Variants in GRIN2A observed in about 807,000 individuals in gnomAD.
The protein encoded by GRIN2A is glutamate receptor ionotropic, NMDA 2A.
A neutral mutation model predicts 113.4 loss-of-function variants in GRIN2A; 22 were observed. That is an observed-to-expected ratio of 0.19 (90% CI 0.14 to 0.28). The LOEUF (loss-of-function observed/expected upper bound fraction) is 0.28. Among genes scored for constraint, GRIN2A ranks in the 10% least tolerant of loss-of-function variants. The probability of loss-of-function intolerance (pLI) is 1.00; values close to 1 mark genes in which losing one functional copy is unlikely to be tolerated. For synonymous variants in GRIN2A, 827 were observed against 738.4 expected (o/e 1.12, Z -1.94); for missense variants, 1,502 against 1,887.0 (o/e 0.80, Z 3.78).
chr16:9,788,658 A>C (rs7193977), intron 11 of GRIN2A, among the ~76,000 whole-genome samples: 56,191 of 146,868 alleles, frequency 0.38, 11,468 homozygotes, highest in African/African-American at 0.56. Flanking sequence ...CCTTCCCCAC[A>C]CTATTTGTCT....
chr16:10,117,075 A>T (rs1023233898), intron 2 of GRIN2A, among the ~76,000 whole-genome samples: 1 of 151,646 alleles, frequency 6.6e-6, no homozygotes, highest in Non-Finnish European at 1.5e-5. Context: ...AAAAAAAAAA[A>T]AGTAGCTAAG....
chr16:10,110,275 C>T (rs908601392), intron 2 of GRIN2A, among the ~76,000 whole-genome samples: 2 of 152,192 alleles, frequency 1.3e-5, no homozygotes, highest in Admixed American at 1.3e-4. Flanking sequence ...TTTGGAATAG[C>T]ATTTAACGAG....
At chr16:9,944,368 C>A (rs576296875) in intron 2 of GRIN2A, among the ~76,000 whole-genome samples, 16 of 152,242 alleles carry the variant, frequency 1.1e-4, no homozygotes, top group African/African-American at 3.9e-4. Context: ...CTCACGTGCA[C>A]ATAAGCTGAA....
chr16:9,770,126 A>G (rs1337086698), intron 11 of GRIN2A, among the ~76,000 whole-genome samples: 2 of 152,198 alleles, frequency 1.3e-5, no homozygotes, highest in Non-Finnish European at 1.5e-5. Context: ...TCTCTGATCT[A>G]TATGTCTAGC....
intron 5 of GRIN2A, among the ~76,000 whole-genome samples, chr16:9,843,518 A>G (rs1291125810): frequency 1.3e-5 from 2 of 152,180 alleles, no homozygotes; most frequent in Admixed American, 1.3e-4. Context: ...TTTGAGTAAC[A>G]GAAGTGGGTT....
At chr16:10,069,227 G>A (rs1166540160) in intron 2 of GRIN2A, among the ~76,000 whole-genome samples, 2 of 152,176 alleles carry the variant, frequency 1.3e-5, no homozygotes, top group Non-Finnish European at 2.9e-5. Context: ...TGGTGATGAT[G>A]GTGGTAGCAC....
intron 2 of GRIN2A, among the ~76,000 whole-genome samples, chr16:10,017,857 C>G (rs1334342897): frequency 6.6e-6 from 1 of 151,994 alleles, no homozygotes; most frequent in African/African-American, 2.4e-5. Flanking sequence ...TAAATAAAGA[C>G]AAGATCCGAC....
At chr16:10,157,575 G>C (rs2049723230) in intron 2 of GRIN2A, among the ~76,000 whole-genome samples, 1 of 152,166 alleles carries the variant, frequency 6.6e-6, no homozygotes, top group African/African-American at 2.4e-5. Flanking sequence ...TGAAGGGGAA[G>C]CAAATACCTT....
chr16:9,827,791 T>C (rs1452825176), intron 9 of GRIN2A, among the ~76,000 whole-genome samples: 1 of 152,174 alleles, frequency 6.6e-6, no homozygotes, highest in East Asian at 1.9e-4. Flanking sequence ...ACCATGCATG[T>C]ATTCATTCAC....
intron 11 of GRIN2A, among the ~76,000 whole-genome samples, chr16:9,774,702 C>A (rs914648071): frequency 6.6e-6 from 1 of 152,170 alleles, no homozygotes; most frequent in Non-Finnish European, 1.5e-5. Flanking sequence ...GTTTTAATAT[C>A]GAGCAAATGG....
chr16:9,780,842 C>T (rs11648559), intron 11 of GRIN2A, among the ~76,000 whole-genome samples: 44,134 of 152,052 alleles, frequency 0.29, 6,549 homozygotes, highest in Middle Eastern at 0.34. Context: ...GAGAAAAATA[C>T]AAACTTTTTT....
At chr16:10,049,725 T>C (rs1251638679) in intron 2 of GRIN2A, among the ~76,000 whole-genome samples, 1 of 152,208 alleles carries the variant, frequency 6.6e-6, no homozygotes, top group African/African-American at 2.4e-5. Flanking sequence ...CTGATTTTTT[T>C]CCATTATACT....
chr16:10,000,567 G>A (rs932931028), intron 2 of GRIN2A, among the ~76,000 whole-genome samples: 7 of 151,530 alleles, frequency 4.6e-5, no homozygotes. Context: ...AGTCCTTTAA[G>A]GTACTTTAGC....
chr16:10,071,316 G>T (rs2047746022), intron 2 of GRIN2A, among the ~76,000 whole-genome samples: 1 of 152,172 alleles, frequency 6.6e-6, no homozygotes, highest in South Asian at 2.1e-4. Flanking sequence ...ATGTGTCATT[G>T]TCAGTAATTG....
chr16:9,929,872 G>C (rs2044548836), intron 3 of GRIN2A, among the ~76,000 whole-genome samples: 1 of 152,136 alleles, frequency 6.6e-6, no homozygotes, highest in Non-Finnish European at 1.5e-5. Flanking sequence ...TGCTTTATGT[G>C]TGACCCCAAA....
At chr16:10,097,159 G>A (rs2048310421) in intron 2 of GRIN2A, among the ~76,000 whole-genome samples, 2 of 152,270 alleles carry the variant, frequency 1.3e-5, no homozygotes, top group South Asian at 4.1e-4. Flanking sequence ...CTGAGCCTTA[G>A]GCAGCAGTCT....
Position 9,756,348 on chromosome 16 carries a change from G to C in GRIN2A, c.*6801C>G, listed in dbSNP as rs1418078302. On this transcript the variant is annotated 3_prime_UTR_variant, in exon 13 of 13. Coordinates refer to ENST00000330684, the MANE Select transcript of GRIN2A (RefSeq NM_001134407.3). ...CACAAACAGTGTTCAAGTCTCAGAA[G>C]GAACTATGAACAGAGGTGAGATCCC... is the stretch of plus-strand genomic sequence containing the variant. The C allele has an allele frequency of 8.7e-6, 2 of 230,154 alleles. No homozygotes were observed. The allele number at this position is 230,154 out of a possible 1,614,324, so 14.3% of individuals were successfully genotyped here.
chr16:10,111,412 G>A (rs962471952), intron 2 of GRIN2A: 18 of 523,200 alleles, frequency 3.4e-5, no homozygotes, highest in African/African-American at 1.7e-4. Flanking sequence ...TGGCGGCACC[G>A]GCTACGTGCC....
chr16:9,982,622 A>G (rs998956540), intron 2 of GRIN2A, among the ~76,000 whole-genome samples: 2 of 152,236 alleles, frequency 1.3e-5, no homozygotes, highest in South Asian at 2.1e-4. Context: ...ATCTTTTAAA[A>G]TATCTTATTA....
Sources: gnomAD v4.1 joint callset for allele counts (sites outside exome capture counted in the v4.1 genomes callset) on GRCh38, gnomAD v4.1.1 for gene constraint, MANE v1.5 for transcripts, NCBI Gene and HGNC (gene_info 2026-07-23, HGNC 2026-07-21) for gene names.